Variants in UNC13D observed in about 807,000 individuals in gnomAD.
UNC13D encodes unc-13 homolog D.
A neutral mutation model predicts 151.7 loss-of-function variants in UNC13D; 115 were observed. The observed-to-expected ratio is 0.76, with a 90% CI of 0.65 to 0.88. The LOEUF (loss-of-function observed/expected upper bound fraction) is 0.88, where lower values mean the gene tolerates loss of function less well. Ranked by LOEUF, UNC13D falls within the 40% of genes least tolerant of loss-of-function variation. The probability of loss-of-function intolerance (pLI) is 0.00; values close to 1 mark genes in which losing one functional copy is unlikely to be tolerated. For missense variants in UNC13D, 1,369 were observed against 1,438.7 expected, an observed-to-expected ratio of 0.95 and a Z score of 0.78; for synonymous variants, 588 against 612.2, an observed-to-expected ratio of 0.96 and a Z score of 0.58.
Position 75,842,882 on chromosome 17 carries a change from C to T in UNC13D, c.363G>A (p.Lys121=). ...FCLKATVKQA[K]GILGKDVSGF... ...CACTGACATCTTTGCCCAGAATGCC[C>T]TTGGCCTGTTTCACTGTTGCCTTCA... is the stretch of plus-strand genomic sequence containing the variant. Residue 121 remains lysine, a synonymous_variant, in exon 5 of 32, where the codon AAG becomes AAA. Coordinates refer to ENST00000207549, the MANE Select transcript of UNC13D (RefSeq NM_199242.3). 6.2e-7 allele frequency: 1 copy of T among 1,613,660 alleles called. No individual in the cohort carries two copies. Among genetic ancestry groups the T allele is most frequent in the Non-Finnish European group, 8.5e-7 (1 of 1,179,984 alleles).
chr17:75,837,025 T>G, intron 12 of UNC13D, 107 bp from the exon 13 acceptor site: 1 of 497,042 alleles, frequency 2.0e-6, no homozygotes, highest in Admixed American at 3.1e-5. Flanking sequence ...CAGTACAGGC[T>G]GAAAACTAGT....
At chr17:75,835,954 C>T in intron 17 of UNC13D, 48 bp from the exon 18 acceptor site, 1 of 1,614,182 alleles carries the variant, frequency 6.2e-7, no homozygotes, top group Non-Finnish European at 8.5e-7. Context: ...ACCAGGGTCC[C>T]CATGGTTCCG....
At chr17:75,841,487 G>A (rs2064949299) in intron 6 of UNC13D, among the ~76,000 whole-genome samples, 1 of 139,378 alleles carries the variant, frequency 7.2e-6, no homozygotes. Flanking sequence ...TGTCACCCAG[G>A]CTGGAGTGCA....
chr17:75,834,832 G>A (rs2064895896), intron 21 of UNC13D, 88 bp downstream of exon 21: 3 of 1,610,804 alleles, frequency 1.9e-6, no homozygotes, highest in Non-Finnish European at 2.5e-6. Context: ...GCCTTGGGAG[G>A]CTGCCTGGGT....
Position 75,834,942 on chromosome 17 carries a change from A to G in UNC13D, c.1970T>C (p.Met657Thr). 1 of 1,614,102 alleles carries G rather than the reference A, an allele frequency of 6.2e-7. No individual in the cohort carries two copies. The highest frequency in any genetic ancestry group is 8.5e-7 in the Non-Finnish European group (1 of 1,180,024). The change falls in exon 21 of 32, where the codon ATG (methionine) becomes ACG (threonine). Residue 657 changes from methionine to threonine, a missense_variant. Transcript: ENST00000207549. ...LDWPDPEEAFMITVKFVEDTC... is the reference protein window; with the variant it reads ...LDWPDPEEAFTITVKFVEDTC... ...CACCTCCACAAACTTGACGGTAATC[A>G]TGAAGGCCTCCTCTGGGTCTGGCCA...
In UNC13D at chr17:75,843,846, G is replaced by A. The variant is rs541389072; in HGVS notation, c.118-327C>T. Reference sequence around the variant, plus strand: ...AGCAGCGGAAGTGAGGCTCGGCAGCGGAGGTGAGGGGGGTGCCACGTCGGC... The same window carrying A: ...AGCAGCGGAAGTGAGGCTCGGCAGCAGAGGTGAGGGGGGTGCCACGTCGGC... On this transcript the variant is annotated intron_variant, in intron 1 of 31. Transcript: ENST00000207549. 9.5e-5 allele frequency: 130 copies of A among 1,372,758 alleles called. No individual in the cohort carries two copies. The African/African-American group carries it at 1.4e-3, about 14-fold the overall frequency. The allele number at this position is 1,372,758 out of a possible 1,614,324, so 85.0% of individuals were successfully genotyped here. A position where few individuals can be genotyped will look rare whatever the true frequency, so the allele number is the denominator to read the frequency against.
At position 75,833,273 on chromosome 17, in the gene UNC13D, G is replaced by T. The variant is rs1316863132; in HGVS notation, c.2368-228C>A. On this transcript the variant is annotated intron_variant, in intron 24 of 31. Transcript: ENST00000207549. This position sits in a 1 kb window ranked among gnomAD's most constrained non-coding sequence, Gnocchi z 4.0. ...TACAGCCCTGGAACCTTCCAGGCAT[G>T]GTCCTGCCTCAGGGTCTCTGCCCTT... 3 of 457,488 alleles carry T rather than the reference G, an allele frequency of 6.6e-6. No homozygotes were observed. The highest frequency in any genetic ancestry group is 1.2e-5 in the Non-Finnish European group (3 of 244,512). The allele number at this position is 457,488 out of a possible 1,614,324, so 28.3% of individuals were successfully genotyped here.
At chr17:75,838,641 G>A (rs1049522579) in intron 12 of UNC13D, among the ~76,000 whole-genome samples, 4 of 152,194 alleles carry the variant, frequency 2.6e-5, no homozygotes, top group East Asian at 3.9e-4. Flanking sequence ...TTATCAGCGC[G>A]TAGTTTTGCT....
rs765901912 is a variant in UNC13D, at chr17:75,827,933, C to T, written c.*32G>A. 5.0e-6 allele frequency: 8 copies of T among 1,604,668 alleles called. No homozygotes were observed. Among genetic ancestry groups the T allele is most frequent in the Admixed American group, 3.4e-5 (2 of 59,542 alleles). ...CAGGAAAGCCCTTGCAAGTCCCCAC[C>T]GGGGACCCAGCCCCACCGCAAACCT... On this transcript the variant is annotated 3_prime_UTR_variant, in exon 32 of 32. Transcript: ENST00000207549.
chr17:75,842,310 T>C (rs1435781036), intron 6 of UNC13D, 123 bp downstream of exon 6: 1 of 1,367,346 alleles, frequency 7.3e-7, no homozygotes, highest in Non-Finnish European at 9.9e-7. Context: ...TCTCCTCTAG[T>C]CTTTGCCCAG....
rs1431834272 is a variant in UNC13D at position 75,833,557 on chromosome 17, T to A, written c.2368-512A>T. On this transcript the variant is annotated intron_variant, in intron 24 of 31. Coordinates refer to ENST00000207549, the MANE Select transcript of UNC13D (RefSeq NM_199242.3). This position sits in a 1 kb window ranked among gnomAD's most constrained non-coding sequence, Gnocchi z 4.0. ...CTATAACTATCACTATAGTTATGGA[T>A]ACTCACTATGTAGCTCTTTTTTCAC... Among the ~76,000 whole-genome samples the A allele has an allele frequency of 2.0e-5, 3 of 152,240 alleles. No homozygotes were observed. The highest frequency in any genetic ancestry group is 7.2e-5 in the African/African-American group (3 of 41,460).
rs1234036848 is a variant in UNC13D, at chr17:75,834,355, GA to G, written c.2267del (p.Ile756ThrfsTer39). On this transcript the variant is annotated frameshift_variant, in exon 23 of 32. Coordinates refer to ENST00000207549, the MANE Select transcript of UNC13D (RefSeq NM_199242.3). LOFTEE classifies it high-confidence loss of function. ...QSALAGLGHEIRTGVRTLAEQ... is the reference protein window; with the variant it reads ...QSALAGLGHEXRTGVRTLAEQ... ...CGGCCAGGGTGCGGACGCCAGTGCG[GA>G]TCTCATGGCCCAGCCCGGCCAGCGC... The G allele has an allele frequency of 3.3e-5, 52 of 1,594,860 alleles. No homozygotes were observed. Among genetic ancestry groups the G allele is most frequent in the Non-Finnish European group, 4.3e-5 (51 of 1,178,962 alleles).
chr17:75,831,114 T>C lies in UNC13D; in HGVS notation c.2609A>G (p.His870Arg), dbSNP rs1324491334. ...AGCCCCTACCTGGAAGGTGGCAGTG[T>C]GCAGGGCCTTGGGTGGCAGGCCACA... is the stretch of plus-strand genomic sequence containing the variant. Reference protein sequence around the residue: ...EGCGLPPKALHTATFQALQRD... With the variant: ...EGCGLPPKALRTATFQALQRD... The change falls in exon 27 of 32, where the codon CAC becomes CGC. Residue 870 changes from histidine (H) to arginine (R), a missense_variant. Coordinates refer to ENST00000207549, the MANE Select transcript of UNC13D (RefSeq NM_199242.3). The C allele has an allele frequency of 1.2e-6, 2 of 1,613,974 alleles. No homozygotes were observed. The highest frequency in any genetic ancestry group is 1.3e-5 in the African/African-American group (1 of 75,074).
rs2062134092 is a variant in UNC13D at position 75,827,827 on chromosome 17, T to C, written c.*138A>G. On this transcript the variant is annotated 3_prime_UTR_variant, in exon 32 of 32. Transcript: ENST00000207549. ...TGGGAGGCAGGGGAGGTCTGCACTC[T>C]GGGCACTCCGCATGCTGGGGCTCCC... 1 of 1,502,384 alleles carries C rather than the reference T, an allele frequency of 6.7e-7. No individual in the cohort carries two copies. The highest frequency in any genetic ancestry group is 1.4e-5 in the African/African-American group (1 of 72,378). 93.1% of individuals were successfully genotyped at this position (1,502,384 alleles called of 1,614,324 possible).
rs746549838 is a variant in UNC13D, at chr17:75,836,037, G to A, written c.1519C>T (p.Arg507Cys). The A allele has an allele frequency of 3.0e-5, 48 of 1,613,852 alleles. 1 individual carries two copies. The highest frequency in any genetic ancestry group is 2.3e-4 in the South Asian group (21 of 91,094). ...TTGTGGAAGATCTTGTCCCATGTGC[G>A]CTGGCACTGGTGCAGGTCGCCAATG... The part of the protein sequence containing the change: ...DVIGDLHQCQ[R>C]TWDKIFHNTL... The change falls in exon 17 of 32, where the codon CGC (arginine) becomes TGC (cysteine). Residue 507 changes from arginine (R) to cysteine (C), a missense_variant. Around this residue, in one of 3 missense-constraint regions of UNC13D, gnomAD observed 807 missense variants for 795.5 expected, o/e 1.01. Coordinates refer to ENST00000207549, the MANE Select transcript of UNC13D (RefSeq NM_199242.3).
intron 1 of UNC13D, 91 bp downstream of exon 1, chr17:75,844,130 T>C: frequency 1.3e-6 from 2 of 1,551,670 alleles, no homozygotes; most frequent in African/African-American, 1.4e-5. Context: ...AGTCCCAGCC[T>C]TCGAGAGGTG....
intron 31 of UNC13D, among the ~76,000 whole-genome samples, 159 bp from the exon 32 acceptor site, chr17:75,828,245 G>A (rs2062137709): frequency 6.6e-6 from 1 of 152,198 alleles, no homozygotes; most frequent in Non-Finnish European, 1.5e-5. Flanking sequence ...CCCAGGAGGT[G>A]GTCTGACAGA....
In UNC13D at chr17:75,834,090, A is replaced by T; in HGVS notation, c.2352T>A (p.Ser784=). ...HIQKLVGVRE[S]VLPEDAILPL... ...GGCCACTTACATCCTCAGGCAGGAC[A>T]GACTCCCTGACGCCCACCAGTTTCT... is the stretch of plus-strand genomic sequence containing the variant. The change falls in exon 24 of 32, where the codon TCT becomes TCA. Residue 784 remains serine, a synonymous_variant. Coordinates refer to ENST00000207549, the MANE Select transcript of UNC13D (RefSeq NM_199242.3). 1.2e-6 allele frequency: 2 copies of T among 1,613,792 alleles called. No homozygotes were observed. Among genetic ancestry groups the T allele is most frequent in the Non-Finnish European group, 1.7e-6 (2 of 1,180,018 alleles).
chr17:75,831,066 T>C (rs2143866910), intron 27 of UNC13D, 32 bp downstream of exon 27: 1 of 1,613,112 alleles, frequency 6.2e-7, no homozygotes, highest in Non-Finnish European at 8.5e-7. Flanking sequence ...CTCCCCAGAC[T>C]TCCTACGGGG....
Sources: allele counts gnomAD v4.1 joint callset (sites outside exome capture counted in the v4.1 genomes callset), GRCh38; gene constraint gnomAD v4.1.1; regional missense constraint gnomAD v4.1.1; non-coding constraint Gnocchi (gnomAD v3.1); transcripts MANE v1.5; gene names NCBI Gene and HGNC (gene_info 2026-07-23, HGNC 2026-07-21).